The following NEMP2 variants were observed in gnomAD, a reference collection of about 807,000 sequenced individuals.
NEMP2 encodes the protein UPF0571 transmembrane protein.
A neutral mutation model predicts 54.2 loss-of-function variants in NEMP2; 53 were observed. The ratio of observed to expected loss-of-function variants is 0.98; its 90% CI spans 0.78 to 1.23. NEMP2 has a LOEUF of 1.23. Among genes scored for constraint, NEMP2 ranks in the 50% most tolerant of loss-of-function variants. The pLI is 0.00. For synonymous variants in NEMP2, 197 were observed against 190.3 expected (o/e 1.04, Z -0.29); for missense variants, 455 against 511.3 (o/e 0.89, Z 1.06).
the NEMP2 span, among the ~76,000 whole-genome samples, chr2:190,597,630 C>A: frequency 6.6e-6 from 1 of 152,028 alleles, no homozygotes; most frequent in African/African-American, 2.4e-5. The surrounding 1 kb of genome is among the most constrained non-coding windows in gnomAD (Gnocchi z 4.7). Flanking sequence ...GAATAAAAAC[C>A]AAACTGATGG....
chr2:190,498,938 A>G, the NEMP2 span, among the ~76,000 whole-genome samples: 1 of 151,970 alleles, frequency 6.6e-6, no homozygotes, highest in South Asian at 2.1e-4. The surrounding 1 kb of genome is among the most constrained non-coding windows in gnomAD (Gnocchi z 5.9). Flanking sequence ...TCACGAGGTC[A>G]GGAGTTCAAG....
chr2:190,490,570 A>G, the NEMP2 span, among the ~76,000 whole-genome samples: 1 of 152,074 alleles, frequency 6.6e-6, no homozygotes, highest in Admixed American at 6.6e-5. This position sits in a 1 kb window ranked among gnomAD's most constrained non-coding sequence, Gnocchi z 4.5. Flanking sequence ...CTCAAAAAAA[A>G]AACAAAAAAC....
the NEMP2 span, among the ~76,000 whole-genome samples, chr2:190,558,757 T>C: frequency 2.0e-5 from 3 of 152,162 alleles, no homozygotes; most frequent in South Asian, 2.1e-4. This position sits in a 1 kb window ranked among gnomAD's most constrained non-coding sequence, Gnocchi z 4.4. Flanking sequence ...GCCGATGAAG[T>C]ATTTCAAAAA....
chr2:190,578,872 C>T, the NEMP2 span, among the ~76,000 whole-genome samples: 2 of 152,138 alleles, frequency 1.3e-5, no homozygotes, highest in African/African-American at 4.8e-5. The surrounding 1 kb of genome is among the most constrained non-coding windows in gnomAD (Gnocchi z 4.4). Context: ...GTCAAATCTC[C>T]TTTGTGGGAA....
At chr2:190,572,873 A>ATATACATATATATATG in the NEMP2 span, among the ~76,000 whole-genome samples, 5 of 110,324 alleles carry the variant, frequency 4.5e-5, no homozygotes, top group African/African-American at 6.7e-5. Flanking sequence ...ATATATATAT[A>ATATACATATATATATG]TATGTATATA....
chr2:190,573,049 T>C, the NEMP2 span, among the ~76,000 whole-genome samples: 2 of 151,792 alleles, frequency 1.3e-5, no homozygotes, highest in Non-Finnish European at 2.9e-5. Context: ...CATTTTCTTA[T>C]AAATGTGGGT....
chr2:190,474,201 G>T, the NEMP2 span, among the ~76,000 whole-genome samples: 1 of 151,994 alleles, frequency 6.6e-6, no homozygotes, highest in Non-Finnish European at 1.5e-5. Context: ...CAGAAGGCAA[G>T]AAATAACTAA....
chr2:190,593,389 A>G, the NEMP2 span, among the ~76,000 whole-genome samples: 1 of 152,378 alleles, frequency 6.6e-6, no homozygotes, highest in Admixed American at 6.5e-5. The surrounding 1 kb of genome is among the most constrained non-coding windows in gnomAD (Gnocchi z 4.5). Flanking sequence ...GCGGTCATTC[A>G]GAAAAGCAGG....
In NEMP2 at chr2:190,509,584, CTATT is replaced by C. The variant is rs1185790426; in HGVS notation, c.1131-276_1131-273del. Among the ~76,000 whole-genome samples the C allele has an allele frequency of 6.6e-6, 1 of 152,148 alleles. No homozygotes were observed. Among genetic ancestry groups the C allele is most frequent in the African/African-American group, 2.4e-5 (1 of 41,434 alleles). On this transcript the variant is annotated intron_variant, in intron 8 of 8. Transcript: ENST00000409150. The surrounding 1 kb of genome is among the most constrained non-coding windows in gnomAD (Gnocchi z 6.1). ...CCTGTTTTCTAATTCCTTCTTGTCTCTATTTTTTATTAGTTTGAATTTATTATTA... is the reference window on the plus strand; with the variant it reads ...CCTGTTTTCTAATTCCTTCTTGTCTCTTTTATTAGTTTGAATTTATTATTA...
chr2:190,440,316 C>T, the NEMP2 span, among the ~76,000 whole-genome samples: 1 of 152,206 alleles, frequency 6.6e-6, no homozygotes, highest in African/African-American at 2.4e-5. Context: ...TCTAAACACA[C>T]ACACATAGAG....
At position 190,509,415 on chromosome 2, in the gene NEMP2, C is replaced by T; in HGVS notation, c.1131-103G>A. The T allele has an allele frequency of 7.4e-7, 1 of 1,350,912 alleles. No individual in the cohort carries two copies. The highest frequency in any genetic ancestry group is 1.0e-6 in the Non-Finnish European group (1 of 981,610). 83.7% of individuals were successfully genotyped at this position (1,350,912 alleles called of 1,614,324 possible). A position where few individuals can be genotyped will look rare whatever the true frequency, so the allele number is the denominator to read the frequency against. ...ATTTATCCCCTTTAATTAAATTTGA[C>T]TTTGCATCAATACAGGGTGGCATTT... On this transcript the variant is annotated intron_variant, in intron 8 of 8. Transcript: ENST00000409150. The surrounding 1 kb of genome is among the most constrained non-coding windows in gnomAD (Gnocchi z 6.1).
chr2:190,445,497 G>A, the NEMP2 span, among the ~76,000 whole-genome samples: 13 of 102,946 alleles, frequency 1.3e-4, no homozygotes, highest in East Asian at 2.1e-3. Context: ...TAAAGAACAC[G>A]AATTTTTTTT....
chr2:190,498,217 C>T, the NEMP2 span, among the ~76,000 whole-genome samples: 1 of 152,134 alleles, frequency 6.6e-6, no homozygotes, highest in Non-Finnish European at 1.5e-5. The surrounding 1 kb of genome is among the most constrained non-coding windows in gnomAD (Gnocchi z 5.9). Context: ...TTCTTGTCCC[C>T]AGAGGAGTGA....
chr2:190,421,691 G>A, the NEMP2 span, among the ~76,000 whole-genome samples: 18 of 151,868 alleles, frequency 1.2e-4, no homozygotes, highest in Admixed American at 1.2e-3. Flanking sequence ...AAGTAGCTGG[G>A]ACTGTAAGCA....
At chr2:190,645,604 T>C in the NEMP2 span, among the ~76,000 whole-genome samples, 1 of 152,258 alleles carries the variant, frequency 6.6e-6, no homozygotes, top group Non-Finnish European at 1.5e-5. Flanking sequence ...TCAGCAAATA[T>C]TTATTAAGTG....
At chr2:190,593,106 G>A in the NEMP2 span, among the ~76,000 whole-genome samples, 1 of 152,142 alleles carries the variant, frequency 6.6e-6, no homozygotes, top group Non-Finnish European at 1.5e-5. This position sits in a 1 kb window ranked among gnomAD's most constrained non-coding sequence, Gnocchi z 4.5. Flanking sequence ...AATTGGCTAT[G>A]TCTTATGCTA....
At chr2:190,495,907 A>G in the NEMP2 span, among the ~76,000 whole-genome samples, 4 of 152,212 alleles carry the variant, frequency 2.6e-5, no homozygotes, top group Admixed American at 2.6e-4. This position sits in a 1 kb window ranked among gnomAD's most constrained non-coding sequence, Gnocchi z 4.7. Flanking sequence ...AACATCAGAA[A>G]AACCCTTCTA....
chr2:190,588,315 G>A, the NEMP2 span, among the ~76,000 whole-genome samples: 3 of 152,154 alleles, frequency 2.0e-5, no homozygotes, highest in Admixed American at 2.0e-4. This position sits in a 1 kb window ranked among gnomAD's most constrained non-coding sequence, Gnocchi z 5.0. Flanking sequence ...AATGTTGGTG[G>A]ATGATAATGA....
the NEMP2 span, among the ~76,000 whole-genome samples, chr2:190,627,606 A>AC: frequency 1.3e-5 from 2 of 151,838 alleles, no homozygotes; most frequent in African/African-American, 4.8e-5. This position sits in a 1 kb window ranked among gnomAD's most constrained non-coding sequence, Gnocchi z 4.4. Context: ...AAAAAAAAAA[A>AC]ACCTTAACAT....
Sources: allele counts gnomAD v4.1 joint callset (sites outside exome capture counted in the v4.1 genomes callset), GRCh38; gene constraint gnomAD v4.1.1; non-coding constraint Gnocchi (gnomAD v3.1); transcripts MANE v1.5; gene names NCBI Gene and HGNC (gene_info 2026-07-23, HGNC 2026-07-21).